Variants in EHBP1 observed in about 807,000 individuals in gnomAD.
EHBP1 encodes EH domain-binding protein 1.
In EHBP1, 55 loss-of-function variants were observed where a neutral mutation model predicts 144.0. The observed-to-expected ratio is 0.38, with a 90% CI of 0.31 to 0.48. The LOEUF (loss-of-function observed/expected upper bound fraction) is 0.48. EHBP1 is among the 20% of genes least tolerant of loss of function. The probability of loss-of-function intolerance (pLI) is 0.98; values close to 1 mark genes in which losing one functional copy is unlikely to be tolerated. For synonymous variants in EHBP1, 469 were observed against 472.7 expected (o/e 0.99, Z 0.10); for missense variants, 1,200 against 1,364.2 (o/e 0.88, Z 1.90).
chr2:62,679,365 G>A (rs908855924), intron 1 of EHBP1, among the ~76,000 whole-genome samples: 24 of 152,024 alleles, frequency 1.6e-4, no homozygotes, highest in Non-Finnish European at 5.9e-5. Context: ...CCTAAAATCC[G>A]GTCGATTAGT....
At chr2:62,953,826 T>C (rs2057541235) in intron 13 of EHBP1, among the ~76,000 whole-genome samples, 1 of 152,190 alleles carries the variant, frequency 6.6e-6, no homozygotes, top group African/African-American at 2.4e-5. Context: ...TATAATCTTT[T>C]GGTGATTTGA....
chr2:62,777,619 A>C (rs554421532), intron 5 of EHBP1, among the ~76,000 whole-genome samples: 1 of 152,230 alleles, frequency 6.6e-6, no homozygotes, highest in African/African-American at 2.4e-5. Flanking sequence ...CTGCTATATA[A>C]AATAATGACT....
intron 5 of EHBP1, among the ~76,000 whole-genome samples, chr2:62,820,303 G>T (rs1165997524): frequency 6.7e-6 from 1 of 148,744 alleles, no homozygotes; most frequent in African/African-American, 2.5e-5. Context: ...TTATATAAAA[G>T]TAAAAAGACT....
intron 8 of EHBP1, among the ~76,000 whole-genome samples, chr2:62,862,010 C>G (rs1032406568): frequency 6.6e-6 from 1 of 152,094 alleles, no homozygotes; most frequent in Non-Finnish European, 1.5e-5. Flanking sequence ...ACTTTACAGT[C>G]TCTCTTCCCT....
chr2:62,771,660 A>T (rs192016883), intron 5 of EHBP1: 26 of 163,680 alleles, frequency 1.6e-4, no homozygotes, highest in East Asian at 6.4e-4. Context: ...ATATATAAAA[A>T]ATATATATAT....
At chr2:62,811,006 A>C (rs1454386268) in intron 5 of EHBP1, among the ~76,000 whole-genome samples, 2 of 152,122 alleles carry the variant, frequency 1.3e-5, no homozygotes, top group Non-Finnish European at 2.9e-5. Flanking sequence ...AAACACTTTA[A>C]GTTGTATTTT....
rs369984658 is a variant in EHBP1, at chr2:62,807,728, TTGTC to T, written c.313-18356_313-18353del. On this transcript the variant is annotated intron_variant, in intron 5 of 22. Coordinates refer to ENST00000431489, the MANE Select transcript of EHBP1 (RefSeq NM_001142616.3). Reference sequence around the variant, plus strand: ...GGCAACAAAATATCTCAATTTTTGTTTGTCTGAGAAAGTCTTTATTTCTCCTTGA... The same window carrying T: ...GGCAACAAAATATCTCAATTTTTGTTTGAGAAAGTCTTTATTTCTCCTTGA... Among the ~76,000 whole-genome samples the T allele has an allele frequency of 1.9e-3, 292 of 152,312 alleles. 1 individual carries two copies. The highest frequency in any genetic ancestry group is 6.7e-3 in the African/African-American group (277 of 41,566).
At chr2:62,732,664 C>T (rs996906233) in intron 2 of EHBP1, among the ~76,000 whole-genome samples, 7 of 152,152 alleles carry the variant, frequency 4.6e-5, no homozygotes, top group Non-Finnish European at 7.3e-5. Context: ...GAGGCCTCCC[C>T]GAAAGCTGTC....
chr2:62,772,877 C>T (rs748515359), intron 5 of EHBP1, among the ~76,000 whole-genome samples: 5 of 152,162 alleles, frequency 3.3e-5, no homozygotes, highest in Non-Finnish European at 5.9e-5. Flanking sequence ...CTGGCAGTAA[C>T]TGGGCCATGT....
At chr2:62,887,652 A>T (rs2052053682) in intron 10 of EHBP1, among the ~76,000 whole-genome samples, 2 of 151,354 alleles carry the variant, frequency 1.3e-5, no homozygotes, top group African/African-American at 4.9e-5. Context: ...AGGTGGGAGG[A>T]TTGCTTGAGC....
At chr2:62,799,003 C>CAAAAAAAA (rs757731955) in intron 5 of EHBP1, among the ~76,000 whole-genome samples, 2 of 76,782 alleles carry the variant, frequency 2.6e-5, no homozygotes, top group African/African-American at 5.5e-5. Context: ...GACTCCGTCT[C>CAAAAAAAA]AAAAAAAAAA....
chr2:63,026,338 G>GTC (rs1054677927), intron 19 of EHBP1, among the ~76,000 whole-genome samples: 10 of 148,624 alleles, frequency 6.7e-5, no homozygotes, highest in Admixed American at 2.0e-4. Context: ...GTGTGTGTGT[G>GTC]TGTGTGTCTG....
intron 5 of EHBP1, among the ~76,000 whole-genome samples, chr2:62,781,085 G>A (rs2042392345): frequency 6.6e-6 from 1 of 152,254 alleles, no homozygotes; most frequent in African/African-American, 2.4e-5. Flanking sequence ...GGTGAAAAAG[G>A]TGTGGTCTCT....
At chr2:62,986,780 A>G (rs1258853871) in intron 15 of EHBP1, among the ~76,000 whole-genome samples, 1 of 152,118 alleles carries the variant, frequency 6.6e-6, no homozygotes, top group Admixed American at 6.6e-5. Flanking sequence ...TGGTTTACAT[A>G]GTAGATGGGA....
intron 10 of EHBP1, among the ~76,000 whole-genome samples, chr2:62,890,862 A>G (rs903027188): frequency 3.9e-5 from 6 of 152,224 alleles, no homozygotes; most frequent in Admixed American, 6.5e-5. Flanking sequence ...TAATTAATCT[A>G]TAAGTCAATA....
intron 5 of EHBP1, among the ~76,000 whole-genome samples, chr2:62,820,612 G>A (rs565976274): frequency 6.8e-4 from 103 of 150,534 alleles, no homozygotes; most frequent in Non-Finnish European, 1.3e-3. Flanking sequence ...TTGTCCTTTT[G>A]TGTTTGTTTT....
chr2:62,931,590 T>C (rs2055997679), intron 10 of EHBP1, among the ~76,000 whole-genome samples: 1 of 152,206 alleles, frequency 6.6e-6, no homozygotes, highest in Admixed American at 6.5e-5. Flanking sequence ...GAAGTTTCAG[T>C]TGCCCATAGT....
intron 10 of EHBP1, among the ~76,000 whole-genome samples, chr2:62,881,112 C>T (rs888354071): frequency 2.6e-5 from 4 of 151,964 alleles, no homozygotes; most frequent in Non-Finnish European, 5.9e-5. Context: ...GAGCTGGAGG[C>T]CATTATCCTA....
At chr2:62,843,613 A>G (rs2048080576) in intron 7 of EHBP1, among the ~76,000 whole-genome samples, 1 of 152,180 alleles carries the variant, frequency 6.6e-6, no homozygotes, top group Non-Finnish European at 1.5e-5. Context: ...ACAGCATATT[A>G]TGGCAGTTGT....
Sources: gnomAD v4.1 joint callset for allele counts (sites outside exome capture counted in the v4.1 genomes callset) on GRCh38, gnomAD v4.1.1 for gene constraint, MANE v1.5 for transcripts, NCBI Gene and HGNC (gene_info 2026-07-23, HGNC 2026-07-21) for gene names.